ATP2B1: variants seen among roughly 807,000 people sequenced by gnomAD.
ATP2B1 encodes plasma membrane calcium-transporting ATPase 1.
ATP2B1 carries 14 observed loss-of-function variants against 124.2 expected under a neutral mutation model. The ratio of observed to expected loss-of-function variants is 0.11; its 90% CI spans 0.07 to 0.18. ATP2B1 has a LOEUF of 0.18. Among genes scored for constraint, ATP2B1 ranks in the 10% least tolerant of loss-of-function variants. The pLI, the probability that ATP2B1 is intolerant of heterozygous loss-of-function variation, is 1.00. For missense variants in ATP2B1, 763 were observed against 1,466.1 expected, an observed-to-expected ratio of 0.52 and a Z score of 7.83; for synonymous variants, 449 against 492.4, an observed-to-expected ratio of 0.91 and a Z score of 1.17.
In ATP2B1 at chr12:89,619,966, A is replaced by G. The variant is rs1879701074; in HGVS notation, c.1829+33T>C. On this transcript the variant is annotated intron_variant, in intron 11 of 20. Coordinates refer to ENST00000428670, the MANE Select transcript of ATP2B1 (RefSeq NM_001366521.1). ...GATACTCCATAAAGCAACTATAGTC[A>G]GCAATTTATTCATCCAAGCATTTTA... 7 of 1,608,486 alleles carry G rather than the reference A, an allele frequency of 4.4e-6. No individual in the cohort carries two copies. In the East Asian group the frequency reaches 1.6e-4, roughly 36 times the overall value.
intron 1 of ATP2B1, among the ~76,000 whole-genome samples, chr12:89,701,595 C>T (rs1891861009): frequency 6.6e-6 from 1 of 152,136 alleles, no homozygotes; most frequent in South Asian, 2.1e-4. Flanking sequence ...GTTCATAAGG[C>T]AATGTTTTAT....
intron 1 of ATP2B1, among the ~76,000 whole-genome samples, chr12:89,657,191 G>A (rs1398702125): frequency 3.9e-5 from 6 of 151,982 alleles, no homozygotes; most frequent in Non-Finnish European, 7.4e-5. Flanking sequence ...CATCCTTTCC[G>A]GCTTCAGTCA....
intron 1 of ATP2B1, among the ~76,000 whole-genome samples, chr12:89,704,017 T>C (rs1036658474): frequency 3.9e-5 from 6 of 152,194 alleles, no homozygotes; most frequent in Admixed American, 3.9e-4. Context: ...CACACCTTTC[T>C]TGTGAGATTT....
chr12:89,621,891 C>A, intron 9 of ATP2B1, 100 bp from the exon 10 acceptor site: 1 of 1,218,812 alleles, frequency 8.2e-7, no homozygotes, highest in Admixed American at 2.9e-5. Flanking sequence ...TAGAAAACTC[C>A]CAGCTTTCTA....
intron 9 of ATP2B1, among the ~76,000 whole-genome samples, chr12:89,623,307 C>T (rs1158686205): frequency 6.8e-6 from 1 of 148,044 alleles, no homozygotes; most frequent in Non-Finnish European, 1.5e-5. Context: ...TTTTTACCTG[C>T]AAGATCATTT....
chr12:89,642,550 G>C (rs952174732), intron 2 of ATP2B1, among the ~76,000 whole-genome samples, 195 bp from the exon 3 acceptor site: 39 of 152,232 alleles, frequency 2.6e-4, no homozygotes, highest in African/African-American at 9.4e-4. Context: ...AGATCAGTTA[G>C]GACTGCACTA....
At chr12:89,595,246 T>TAGAC (rs1301579625) in intron 20 of ATP2B1, among the ~76,000 whole-genome samples, 2 of 151,984 alleles carry the variant, frequency 1.3e-5, no homozygotes, top group Admixed American at 1.3e-4. Flanking sequence ...TTTCCAAAAA[T>TAGAC]AGACAACAGG....
At chr12:89,617,137 T>C in intron 11 of ATP2B1, 98 bp from the exon 12 acceptor site, 1 of 861,850 alleles carries the variant, frequency 1.2e-6, no homozygotes, top group Non-Finnish European at 1.8e-6. Context: ...TGGGATCTGA[T>C]ATCTGGAATT....
intron 6 of ATP2B1, among the ~76,000 whole-genome samples, chr12:89,628,016 A>G (rs964990786): frequency 6.6e-6 from 1 of 152,212 alleles, no homozygotes; most frequent in Non-Finnish European, 1.5e-5. Flanking sequence ...AAAACTAAAT[A>G]CAAATATAAC....
At chr12:89,642,120 T>A in intron 3 of ATP2B1, 38 bp downstream of exon 3, 5 of 1,551,802 alleles carry the variant, frequency 3.2e-6, no homozygotes, top group Non-Finnish European at 4.4e-6. Context: ...TTAGCTGAAC[T>A]AGCATCAGAC....
chr12:89,689,475 C>G (rs1008429271), intron 1 of ATP2B1, among the ~76,000 whole-genome samples: 1 of 152,116 alleles, frequency 6.6e-6, no homozygotes, highest in Admixed American at 6.6e-5. Context: ...ACCTACCACA[C>G]TCACAAAACA....
intron 20 of ATP2B1, among the ~76,000 whole-genome samples, chr12:89,592,088 A>G (rs1873682403): frequency 6.6e-6 from 1 of 152,100 alleles, no homozygotes; most frequent in African/African-American, 2.4e-5. Context: ...TTCACCCCTA[A>G]GCAGATAGCT....
intron 2 of ATP2B1, among the ~76,000 whole-genome samples, chr12:89,646,907 C>T (rs1225787720): frequency 6.6e-6 from 1 of 152,026 alleles, no homozygotes; most frequent in Non-Finnish European, 1.5e-5. Flanking sequence ...GAAGACAACA[C>T]TGATGATACA....
At chr12:89,592,790 A>T (rs980752006) in intron 20 of ATP2B1, among the ~76,000 whole-genome samples, 2 of 152,070 alleles carry the variant, frequency 1.3e-5, no homozygotes, top group African/African-American at 4.8e-5. Context: ...GTTAGGTCAC[A>T]AGTATCGAGG....
chr12:89,652,247 A>G (rs1592868351), intron 2 of ATP2B1, among the ~76,000 whole-genome samples: 1 of 152,234 alleles, frequency 6.6e-6, no homozygotes, highest in Non-Finnish European at 1.5e-5. Flanking sequence ...AATTTCAGCA[A>G]TTCTAAGATG....
chr12:89,627,632 A>G (rs1324541893), intron 7 of ATP2B1, 46 bp downstream of exon 7: 1 of 1,592,670 alleles, frequency 6.3e-7, no homozygotes, highest in Non-Finnish European at 8.6e-7. Flanking sequence ...AGATTTTTGG[A>G]TATAATGAAA....
intron 20 of ATP2B1, among the ~76,000 whole-genome samples, chr12:89,592,727 C>T (rs1490639887): frequency 3.9e-5 from 6 of 152,068 alleles, no homozygotes; most frequent in Admixed American, 2.6e-4. Flanking sequence ...ACTTGCCTTA[C>T]GGGGTTGTTG....
At chr12:89,699,778 G>C (rs1018217677) in intron 1 of ATP2B1, among the ~76,000 whole-genome samples, 3 of 152,118 alleles carry the variant, frequency 2.0e-5, no homozygotes, top group Non-Finnish European at 4.4e-5. Flanking sequence ...CAGGAGGGCC[G>C]GAGGTGATCA....
chr12:89,700,823 A>G (rs1434951931), intron 1 of ATP2B1, among the ~76,000 whole-genome samples: 1 of 152,218 alleles, frequency 6.6e-6, no homozygotes, highest in Non-Finnish European at 1.5e-5. Context: ...AATTAGACCT[A>G]TAAAATTTAA....
Sources: gnomAD v4.1 joint callset for allele counts (sites outside exome capture counted in the v4.1 genomes callset) on GRCh38, gnomAD v4.1.1 for gene constraint, MANE v1.5 for transcripts, NCBI Gene and HGNC (gene_info 2026-07-23, HGNC 2026-07-21) for gene names.